The following GRM1 variants were observed in gnomAD, a reference collection of about 807,000 sequenced individuals.
GRM1 encodes the protein glutamate metabotropic receptor 1, also known as metabotropic glutamate receptor 1.
A neutral mutation model predicts 90.9 loss-of-function variants in GRM1; 33 were observed. The observed-to-expected ratio is 0.36, with a 90% CI of 0.28 to 0.49. The LOEUF (loss-of-function observed/expected upper bound fraction) is 0.49, where lower values mean the gene tolerates loss of function less well. Among genes scored for constraint, GRM1 ranks in the 20% least tolerant of loss-of-function variants. GRM1 has a pLI of 0.99. For missense variants in GRM1, 1,190 were observed against 1,534.3 expected, an observed-to-expected ratio of 0.78 and a Z score of 3.75; for synonymous variants, 700 against 613.2, an observed-to-expected ratio of 1.14 and a Z score of -2.09.
At chr6:146,397,363 A>G (rs1213273979) in intron 6 of GRM1, among the ~76,000 whole-genome samples, 3 of 150,970 alleles carry the variant, frequency 2.0e-5, no homozygotes, top group African/African-American at 7.3e-5. Context: ...AGCCCCAGCT[A>G]CTCGGGAGAC....
chr6:146,270,863 T>TTC (rs528810889), intron 2 of GRM1, among the ~76,000 whole-genome samples: 2 of 63,194 alleles, frequency 3.2e-5, no homozygotes, highest in South Asian at 1.3e-3. Flanking sequence ...CTTTCTTTCT[T>TTC]TCTTTCTTTC....
intron 1 of GRM1, among the ~76,000 whole-genome samples, chr6:146,147,370 T>C (rs1777153022): frequency 6.6e-6 from 1 of 152,150 alleles, no homozygotes; most frequent in African/African-American, 2.4e-5. Flanking sequence ...GTTTCCTCTG[T>C]AAATGGAGAG....
intron 3 of GRM1, among the ~76,000 whole-genome samples, chr6:146,344,169 A>G (rs1353863389): frequency 6.6e-6 from 1 of 152,160 alleles, no homozygotes; most frequent in Non-Finnish European, 1.5e-5. Context: ...CAACCCAACA[A>G]TGATAAAATG....
chr6:146,308,124 A>G (rs1175236445), intron 3 of GRM1, among the ~76,000 whole-genome samples: 3 of 152,220 alleles, frequency 2.0e-5, no homozygotes, highest in African/African-American at 7.2e-5. Flanking sequence ...TTGCAATGGC[A>G]TAGTGCTTTT....
chr6:146,085,082 A>G (rs1776494540), intron 1 of GRM1, among the ~76,000 whole-genome samples: 1 of 152,156 alleles, frequency 6.6e-6, no homozygotes, highest in Non-Finnish European at 1.5e-5. Context: ...TGAAACTATA[A>G]GAAAGTATAA....
At chr6:146,144,845 T>G (rs1012886909) in intron 1 of GRM1, among the ~76,000 whole-genome samples, 5 of 152,354 alleles carry the variant, frequency 3.3e-5, no homozygotes, top group Admixed American at 6.5e-5. Flanking sequence ...GTTTAGTGAT[T>G]ATGACCAGAA....
At chr6:146,224,788 C>T (rs73575023) in intron 2 of GRM1, among the ~76,000 whole-genome samples, 8,110 of 152,126 alleles carry the variant, frequency 0.053, 706 homozygotes, top group African/African-American at 0.18. Context: ...TCTCTTCAAC[C>T]AACAACTAAC....
At chr6:146,409,444 G>A (rs895649418) in intron 7 of GRM1, among the ~76,000 whole-genome samples, 1 of 152,146 alleles carries the variant, frequency 6.6e-6, no homozygotes, top group Admixed American at 6.5e-5. Flanking sequence ...AGTCAACTAA[G>A]TTTAAAAGCC....
At chr6:146,300,799 G>A (rs570675561) in intron 2 of GRM1, among the ~76,000 whole-genome samples, 1 of 152,268 alleles carries the variant, frequency 6.6e-6, no homozygotes, top group Non-Finnish European at 1.5e-5. Context: ...CTCAGGTCAA[G>A]CACAGTCTAG....
At chr6:146,286,085 A>G (rs111286445) in intron 2 of GRM1, among the ~76,000 whole-genome samples, 4 of 152,306 alleles carry the variant, frequency 2.6e-5, no homozygotes, top group African/African-American at 7.2e-5. Flanking sequence ...AGTGATATCT[A>G]TATCTGTCCT....
chr6:146,260,411 T>C (rs371679493), intron 2 of GRM1, among the ~76,000 whole-genome samples: 1 of 152,212 alleles, frequency 6.6e-6, no homozygotes, highest in Non-Finnish European at 1.5e-5. Flanking sequence ...TTGATGGGCA[T>C]TTGGGTTGGT....
At chr6:146,411,682 A>G (rs1375564248) in intron 7 of GRM1, among the ~76,000 whole-genome samples, 1 of 152,190 alleles carries the variant, frequency 6.6e-6, no homozygotes, top group East Asian at 1.9e-4. Flanking sequence ...TGTGGCTTTG[A>G]CAGGTGGGAC....
chr6:146,078,902 AG>A (rs1406558366), intron 1 of GRM1, among the ~76,000 whole-genome samples: 1 of 152,210 alleles, frequency 6.6e-6, no homozygotes, highest in Non-Finnish European at 1.5e-5. Context: ...TCACACCACC[AG>A]GAAAGATGAG....
chr6:146,109,231 A>C (rs1344317305), intron 1 of GRM1, among the ~76,000 whole-genome samples: 1 of 152,148 alleles, frequency 6.6e-6, no homozygotes, highest in Non-Finnish European at 1.5e-5. Flanking sequence ...TCACAGTTCC[A>C]GATGCTTAGA....
intron 7 of GRM1, among the ~76,000 whole-genome samples, chr6:146,405,428 G>A (rs1048742209): frequency 6.6e-6 from 1 of 152,180 alleles, no homozygotes; most frequent in East Asian, 1.9e-4. Flanking sequence ...GCAATATTAT[G>A]GAAACCAAGG....
chr6:146,331,338 A>G (rs1784582230), intron 3 of GRM1, among the ~76,000 whole-genome samples: 1 of 152,228 alleles, frequency 6.6e-6, no homozygotes, highest in Admixed American at 6.5e-5. Context: ...ATTAGGGAAG[A>G]AAGAATAAAT....
intron 1 of GRM1, among the ~76,000 whole-genome samples, chr6:146,049,628 A>G (rs764998070): frequency 7.3e-5 from 11 of 151,646 alleles, no homozygotes; most frequent in Non-Finnish European, 1.2e-4. Context: ...GCATGAGCCA[A>G]TTCCCATATG....
At chr6:146,274,909 A>G (rs1006122429) in intron 2 of GRM1, among the ~76,000 whole-genome samples, 3 of 152,190 alleles carry the variant, frequency 2.0e-5, no homozygotes, top group Non-Finnish European at 4.4e-5. Flanking sequence ...GGGCACCTAT[A>G]ATCCCAGCCA....
intron 2 of GRM1, among the ~76,000 whole-genome samples, chr6:146,162,973 C>T (rs2128892211): frequency 6.6e-6 from 1 of 152,078 alleles, no homozygotes; most frequent in African/African-American, 2.4e-5. Flanking sequence ...AAACATTTTT[C>T]CAGTCCTAGA....
Sources: allele counts gnomAD v4.1 joint callset (sites outside exome capture counted in the v4.1 genomes callset), GRCh38; gene constraint gnomAD v4.1.1; transcripts MANE v1.5; gene names NCBI Gene and HGNC (gene_info 2026-07-23, HGNC 2026-07-21).